The following CLDN16 variants were observed in gnomAD, a reference collection of about 807,000 sequenced individuals.
The protein encoded by CLDN16 is claudin 16.
In CLDN16, 13 loss-of-function variants were observed where a neutral mutation model predicts 24.6. That is an observed-to-expected ratio of 0.53 (90% CI 0.34 to 0.84). The LOEUF (loss-of-function observed/expected upper bound fraction) is 0.84, where lower values mean the gene tolerates loss of function less well. CLDN16 is among the 40% of genes least tolerant of loss of function. The pLI is 0.01. For missense variants in CLDN16, 298 were observed against 292.7 expected (o/e 1.02, Z -0.13); for synonymous variants, 116 against 106.7 (o/e 1.09, Z -0.54).
chr3:190,377,800 G>A (rs1000277752), intron 3 of CLDN16, among the ~76,000 whole-genome samples: 2 of 151,956 alleles, frequency 1.3e-5, no homozygotes, highest in African/African-American at 4.8e-5. Context: ...AGCTAAAAGT[G>A]TAAAGAAGGT....
upstream of CLDN16, among the ~76,000 whole-genome samples, chr3:190,386,049 G>T (rs1718490204): frequency 6.6e-6 from 1 of 152,142 alleles, no homozygotes; most frequent in Admixed American, 6.6e-5. Flanking sequence ...AGCAGGTAAA[G>T]TACACTGTGA....
chr3:190,356,736 A>G (rs910937035), intron 1 of CLDN16, among the ~76,000 whole-genome samples: 1 of 151,978 alleles, frequency 6.6e-6, no homozygotes, highest in Non-Finnish European at 1.5e-5. Context: ...TCCTACTGAA[A>G]TAAATATTCC....
At chr3:190,388,065 A>G, upstream of CLDN16, 1 of 1,536,434 alleles carries the variant, frequency 6.5e-7, no homozygotes, top group Non-Finnish European at 9.0e-7. Context: ...CACCCGAAAC[A>G]CACTCAGCCC....
chr3:190,397,156 T>G (rs1168149049), intron 1 of CLDN16, among the ~76,000 whole-genome samples: 1 of 152,284 alleles, frequency 6.6e-6, no homozygotes, highest in Non-Finnish European at 1.5e-5. Context: ...ATTAAGAGAT[T>G]TTTTGCTTTC....
chr3:190,301,841 T>G, the CLDN16 span, among the ~76,000 whole-genome samples: 1 of 152,184 alleles, frequency 6.6e-6, no homozygotes, highest in Admixed American at 6.5e-5. Flanking sequence ...TCCCTCCTTA[T>G]CTACTTACGG....
At chr3:190,405,092 T>A (rs577968103) in intron 3 of CLDN16, among the ~76,000 whole-genome samples, 166 bp downstream of exon 3, 390 of 152,242 alleles carry the variant, frequency 2.6e-3, no homozygotes, top group African/African-American at 9.1e-3. Context: ...ACTTTAGCTT[T>A]GAAGTCAGCT....
intron 1 of CLDN16, among the ~76,000 whole-genome samples, chr3:190,393,231 T>C (rs965220760): frequency 6.6e-6 from 1 of 152,180 alleles, no homozygotes; most frequent in Non-Finnish European, 1.5e-5. Context: ...AAAATTAGTA[T>C]CTATACAGAA....
upstream of CLDN16, among the ~76,000 whole-genome samples, chr3:190,321,131 C>G (rs1447953580): frequency 6.6e-6 from 1 of 152,204 alleles, no homozygotes; most frequent in African/African-American, 2.4e-5. Context: ...TTCTTTCTCT[C>G]TCACTGCCTT....
chr3:190,314,243 G>T, the CLDN16 span, among the ~76,000 whole-genome samples: 3 of 152,068 alleles, frequency 2.0e-5, no homozygotes, highest in South Asian at 6.2e-4. Flanking sequence ...ATCTAATCAG[G>T]CCTAGGCTTA....
the CLDN16 span, among the ~76,000 whole-genome samples, chr3:190,309,569 G>T: frequency 6.6e-6 from 1 of 152,166 alleles, no homozygotes; most frequent in Admixed American, 6.5e-5. Flanking sequence ...AAAGAATGTT[G>T]TTACACGAGA....
chr3:190,358,144 T>C (rs978708656), intron 1 of CLDN16, among the ~76,000 whole-genome samples: 12 of 151,950 alleles, frequency 7.9e-5, no homozygotes, highest in Admixed American at 4.6e-4. Flanking sequence ...TTCCTTTTTA[T>C]GTTTCTTCCA....
In CLDN16 at chr3:190,345,026, A is replaced by G. The variant is rs74463352; in HGVS notation, n.121+22365A>G. Among the ~76,000 whole-genome samples, 694 of 152,302 alleles carry G rather than the reference A, an allele frequency of 4.6e-3. 3 individuals carry two copies. Among genetic ancestry groups the G allele is most frequent in the Non-Finnish European group, 7.8e-3 (529 of 68,008 alleles). Reference sequence around the variant, plus strand: ...GAGACAGAGGAAGAGTTAAGCTAATACCAATGTTAACACTGAAATTTGTAG... The same window carrying G: ...GAGACAGAGGAAGAGTTAAGCTAATGCCAATGTTAACACTGAAATTTGTAG... On this transcript the variant is annotated intron_variant and non_coding_transcript_variant, in intron 1 of 4. Coordinates refer to the CLDN16 transcript ENST00000468220.
At chr3:190,312,237 A>C in the CLDN16 span, among the ~76,000 whole-genome samples, 1 of 152,068 alleles carries the variant, frequency 6.6e-6, no homozygotes, top group African/African-American at 2.4e-5. Flanking sequence ...GGCCTAAAAA[A>C]CACGTATTTA....
At chr3:190,388,476 G>A in intron 1 of CLDN16, 33 bp downstream of exon 1, 1 of 1,603,908 alleles carries the variant, frequency 6.2e-7, no homozygotes, top group South Asian at 1.1e-5. Flanking sequence ...TCATGATCCA[G>A]GCCAGCCCAA....
chr3:190,345,060 GGTAAA>G (rs1220274107), intron 1 of CLDN16, among the ~76,000 whole-genome samples: 1 of 152,060 alleles, frequency 6.6e-6, no homozygotes, highest in African/African-American at 2.4e-5. Context: ...AGATTTAAAG[GGTAAA>G]GTAATTTGAC....
At chr3:190,313,418 T>C in the CLDN16 span, among the ~76,000 whole-genome samples, 4 of 152,238 alleles carry the variant, frequency 2.6e-5, no homozygotes, top group Non-Finnish European at 4.4e-5. Context: ...TCATATATAC[T>C]ATCCTGGATG....
At chr3:190,329,674 C>T (rs536160787) in intron 1 of CLDN16, among the ~76,000 whole-genome samples, 1 of 152,174 alleles carries the variant, frequency 6.6e-6, no homozygotes, top group Non-Finnish European at 1.5e-5. Flanking sequence ...TTAATATGCT[C>T]ATGCAAATCA....
intron 1 of CLDN16, among the ~76,000 whole-genome samples, chr3:190,359,309 T>C (rs773009812): frequency 1.3e-5 from 2 of 152,064 alleles, no homozygotes; most frequent in Admixed American, 1.3e-4. Flanking sequence ...ACACCTTGCA[T>C]GAAGGACTTC....
At chr3:190,397,336 A>G (rs897631532) in intron 1 of CLDN16, among the ~76,000 whole-genome samples, 2 of 152,178 alleles carry the variant, frequency 1.3e-5, no homozygotes, top group Admixed American at 6.6e-5. Flanking sequence ...TGTTAGAAGG[A>G]GAAATTTTAA....
Sources: gnomAD v4.1 joint callset for allele counts (sites outside exome capture counted in the v4.1 genomes callset) on GRCh38, gnomAD v4.1.1 for gene constraint, MANE v1.5 for transcripts, NCBI Gene and HGNC (gene_info 2026-07-23, HGNC 2026-07-21) for gene names.